GAREM2: variants seen among roughly 807,000 people sequenced by gnomAD.
GAREM2 encodes the protein GRB2-associated and regulator of MAPK protein 2.
In GAREM2, 30 loss-of-function variants were observed where a neutral mutation model predicts 55.6. The observed-to-expected ratio is 0.54, with a 90% CI of 0.40 to 0.73. GAREM2 has a LOEUF of 0.73. Among genes scored for constraint, GAREM2 ranks in the 30% least tolerant of loss-of-function variants. The pLI, the probability that GAREM2 is intolerant of heterozygous loss-of-function variation, is 0.00. For missense variants in GAREM2, 1,075 were observed against 1,257.7 expected (o/e 0.85, Z 2.20); for synonymous variants, 550 against 569.1 (o/e 0.97, Z 0.48).
rs1669194131 is a variant in GAREM2 at position 26,185,042 on chromosome 2, G to C, written c.1194G>C (p.Ala398=). ...TCGCCCGCGCCCCCGGCCCGCTAGC[G>C]CCGGCTCCCGCCGGCGAGGGCGACC... ...PGLARAPGPL[A]PAPAGEGDQE... is the part of the protein sequence containing the mutation. Residue 398 remains alanine, a synonymous_variant, in exon 4 of 6, where the codon GCG becomes GCC. Coordinates refer to ENST00000401533, the MANE Select transcript of GAREM2 (RefSeq NM_001168241.2). 2 of 1,198,604 alleles carry C rather than the reference G, an allele frequency of 1.7e-6. No homozygotes were observed. The highest frequency in any genetic ancestry group is 2.1e-6 in the Non-Finnish European group (2 of 966,218). 74.2% of individuals were successfully genotyped at this position (1,198,604 alleles called of 1,614,324 possible).
At position 26,187,464 on chromosome 2, in the gene GAREM2, G is replaced by A; in HGVS notation, c.1832G>A (p.Cys611Tyr). 1 of 1,548,150 alleles carries A rather than the reference G, an allele frequency of 6.5e-7. No homozygotes were observed. Among genetic ancestry groups the A allele is most frequent in the South Asian group, 1.2e-5 (1 of 83,262 alleles). The change falls in exon 6 of 6, where the codon TGC becomes TAC. Residue 611 changes from cysteine to tyrosine, a missense_variant. By Grantham distance (194) the Cys-to-Tyr change is radical. Around this residue, in one of 6 missense-constraint regions of GAREM2, gnomAD observed 515 missense variants for 501.5 expected, o/e 1.03. Transcript: ENST00000401533. The part of the protein sequence containing the change: ...ADTPVKTYHS[C>Y]PPLFKPSHPQ... ...ACCCCTGTTAAGACCTACCACAGCTGCCCTCCTCTATTCAAGCCCTCACAT... is the reference window on the plus strand; with the variant it reads ...ACCCCTGTTAAGACCTACCACAGCTACCCTCCTCTATTCAAGCCCTCACAT...
chr2:26,188,822 G>A lies in GAREM2; in HGVS notation c.*565G>A, dbSNP rs113371608. ...GTTGAGGGGGGTGGGGCCTGGCCCC[G>A]CACACAGGTGAGTCGTGTACAAGCC... On this transcript the variant is annotated 3_prime_UTR_variant, in exon 6 of 6. Transcript: ENST00000401533. 2.2e-4 allele frequency: 33 copies of A among 152,492 alleles called. No homozygotes were observed. Among genetic ancestry groups the A allele is most frequent in the South Asian group, 4.1e-4 (2 of 4,828 alleles). 9.4% of individuals were successfully genotyped at this position (152,492 alleles called of 1,614,324 possible). A position where few individuals can be genotyped will look rare whatever the true frequency, so the allele number is the denominator to read the frequency against.
At position 26,186,177 on chromosome 2, in the gene GAREM2, C is replaced by T; in HGVS notation, c.1429-12C>T. The stretch of plus-strand genomic sequence containing the variant: ...TTGGAGTCGAGGTGGAGTCACCGCC[C>T]TCTGCTTGTAGGTGAAGGAGGAGTG... On this transcript the variant is annotated splice_polypyrimidine_tract_variant and intron_variant, in intron 4 of 5. Transcript: ENST00000401533. The T allele has an allele frequency of 6.7e-7, 1 of 1,487,898 alleles. No homozygotes were observed. The highest frequency in any genetic ancestry group is 9.0e-7 in the Non-Finnish European group (1 of 1,116,442). 92.2% of individuals were successfully genotyped at this position (1,487,898 alleles called of 1,614,324 possible).
At chr2:26,194,161 G>A (rs751583820), downstream of GAREM2, among the ~76,000 whole-genome samples, 2 of 152,182 alleles carry the variant, frequency 1.3e-5, no homozygotes, top group Non-Finnish European at 2.9e-5. Flanking sequence ...AGTGCCCAGC[G>A]AGGAGGATCC....
the GAREM2 span, among the ~76,000 whole-genome samples, chr2:26,202,783 A>C: frequency 6.6e-6 from 1 of 152,236 alleles, no homozygotes; most frequent in African/African-American, 2.4e-5. Context: ...GTATGGGCTC[A>C]AAGCTTTTGT....
the GAREM2 span, chr2:26,201,110 C>T: frequency 1.4e-6 from 2 of 1,476,674 alleles, no homozygotes; most frequent in East Asian, 2.3e-5. Context: ...GTTTTCTGTT[C>T]ACTACACTAG....
chr2:26,200,154 T>C, the GAREM2 span, among the ~76,000 whole-genome samples: 3 of 152,190 alleles, frequency 2.0e-5, no homozygotes, highest in African/African-American at 7.2e-5. Flanking sequence ...TGTTTGTTTA[T>C]TTATTTATTT....
At chr2:26,191,130 AACC>A (rs958103194), downstream of GAREM2, 1 of 1,005,856 alleles carries the variant, frequency 9.9e-7, no homozygotes, top group Non-Finnish European at 1.5e-6. Context: ...TCAGGGAGCA[AACC>A]CAGTGCCGGA....
intron 4 of GAREM2, 90 bp downstream of exon 4, chr2:26,185,366 C>G: frequency 6.5e-6 from 9 of 1,390,570 alleles, no homozygotes; most frequent in Non-Finnish European, 8.3e-6. Flanking sequence ...ATGTGGCAGA[C>G]GAGGTGTCTT....
intron 3 of GAREM2, 62 bp from the exon 4 acceptor site, chr2:26,184,171 G>A (rs1669141483): frequency 6.5e-7 from 1 of 1,534,942 alleles, no homozygotes; most frequent in Admixed American, 2.0e-5. Context: ...GTCTCTGGGA[G>A]CTGGCCGTGT....
At chr2:26,191,240 T>C, downstream of GAREM2, 5 of 1,611,758 alleles carry the variant, frequency 3.1e-6, no homozygotes, top group Non-Finnish European at 4.2e-6. Flanking sequence ...GAGCGAGGCA[T>C]GAGGCCTGCT....
At chr2:26,186,768 G>C (rs1327475070) in intron 5 of GAREM2, among the ~76,000 whole-genome samples, 1 of 152,194 alleles carries the variant, frequency 6.6e-6, no homozygotes, top group East Asian at 1.9e-4. Flanking sequence ...TTGAGGTCAG[G>C]AGTTCAAGAC....
In GAREM2 at chr2:26,184,974, C is replaced by T. The variant is rs900321796; in HGVS notation, c.1126C>T (p.Arg376Cys). The T allele has an allele frequency of 1.7e-6, 2 of 1,192,922 alleles. No individual in the cohort carries two copies. Among genetic ancestry groups the T allele is most frequent in the Non-Finnish European group, 1.0e-6 (1 of 963,966 alleles). 73.9% of individuals were successfully genotyped at this position (1,192,922 alleles called of 1,614,324 possible). The change falls in exon 4 of 6, where the codon CGC (arginine) becomes TGC (cysteine). Residue 376 changes from arginine (R) to cysteine (C), a missense_variant. By Grantham distance (180) the Arg-to-Cys change is radical (BLOSUM62 -3). This residue lies in a region of GAREM2 where 515 missense variants were observed against 501.5 expected (regional missense o/e 1.03). Coordinates refer to ENST00000401533, the MANE Select transcript of GAREM2 (RefSeq NM_001168241.2). ...AELAEDCASP[R>C]RARLCLPAPR... ...GCTCGCCGAAGACTGCGCCAGCCCG[C>T]GCCGCGCGCGCCTCTGCCTGCCCGC... is the stretch of plus-strand genomic sequence containing the variant.
intron 4 of GAREM2, 32 bp downstream of exon 4, chr2:26,185,308 G>C (rs1253767924): frequency 1.4e-6 from 2 of 1,481,206 alleles, no homozygotes; most frequent in Admixed American, 2.2e-5. Context: ...CGAGTCCCGG[G>C]TCCAGCCAGG....
intron 3 of GAREM2, among the ~76,000 whole-genome samples, chr2:26,183,943 G>A (rs920732296): frequency 1.3e-5 from 2 of 152,212 alleles, no homozygotes; most frequent in East Asian, 1.9e-4. Context: ...CCAAGTAGTG[G>A]GGAAGAAAAG....
At chr2:26,176,661 G>T (rs969060339) in intron 2 of GAREM2, among the ~76,000 whole-genome samples, 177 bp downstream of exon 2, 2 of 152,158 alleles carry the variant, frequency 1.3e-5, no homozygotes, top group African/African-American at 4.8e-5. Context: ...TGGAGAGGTG[G>T]CTCACAGGTT....
chr2:26,204,124 C>T, the GAREM2 span: 1 of 1,613,838 alleles, frequency 6.2e-7, no homozygotes, highest in Non-Finnish European at 8.5e-7. Flanking sequence ...TAAGTATAGT[C>T]TTTAGCCCCT....
the GAREM2 span, among the ~76,000 whole-genome samples, chr2:26,195,599 C>T: frequency 4.9e-3 from 310 of 62,650 alleles, 1 homozygote; most frequent in African/African-American, 0.017. Context: ...TTTTTTTGGG[C>T]GGGGGTGGGG....
rs1669187235 is a variant in GAREM2, at chr2:26,184,978, G to GCGCGCGCCTCTGCCTGCCCGCGC, written c.1139_1161dup (p.Pro388SerfsTer18). The GCGCGCGCCTCTGCCTGCCCGCGC allele has an allele frequency of 2.5e-6, 3 of 1,188,872 alleles. No homozygotes were observed. The highest frequency in any genetic ancestry group is 3.1e-6 in the Non-Finnish European group (3 of 961,446). 73.6% of individuals were successfully genotyped at this position (1,188,872 alleles called of 1,614,324 possible). ...GCCGAAGACTGCGCCAGCCCGCGCC[G>GCGCGCGCCTCTGCCTGCCCGCGC]CGCGCGCCTCTGCCTGCCCGCGCCG... is the stretch of plus-strand genomic sequence containing the variant. On this transcript the variant is annotated frameshift_variant, in exon 4 of 6. Transcript: ENST00000401533. LOFTEE classifies it high-confidence loss of function.
Sources: allele counts gnomAD v4.1 joint callset (sites outside exome capture counted in the v4.1 genomes callset), GRCh38; gene constraint gnomAD v4.1.1; regional missense constraint gnomAD v4.1.1; transcripts MANE v1.5; gene names NCBI Gene and HGNC (gene_info 2026-07-23, HGNC 2026-07-21).